Variants in PTPRN2 observed in about 807,000 individuals in gnomAD.
The protein encoded by PTPRN2 is receptor-type tyrosine-protein phosphatase N2.
PTPRN2 carries 74 observed loss-of-function variants against 118.8 expected under a neutral mutation model. That is an observed-to-expected ratio of 0.62 (90% CI 0.52 to 0.76). The LOEUF is 0.76. PTPRN2 is among the 30% of genes least tolerant of loss of function. PTPRN2 has a pLI of 0.00. For synonymous variants in PTPRN2, 641 were observed against 608.0 expected (o/e 1.05, Z -0.80); for missense variants, 1,481 against 1,394.4 (o/e 1.06, Z -0.99).
rs139090255 is a variant in PTPRN2, at chr7:158,557,418, T to C, written c.112+30140A>G. On this transcript the variant is annotated intron_variant, in intron 1 of 22. Transcript: ENST00000389418. ...TCCCGCGCAGGTCAGGCAGCTCCCG[T>C]GCAGGTTAGACATCTTTTCTGCCAT... Among the ~76,000 whole-genome samples, 94 of 152,254 alleles carry C rather than the reference T, an allele frequency of 6.2e-4. 2 individuals are homozygous for C. In the East Asian group the frequency reaches 0.018, roughly 28 times the overall value.
chr7:158,192,527 G>C (rs772725581), intron 4 of PTPRN2, 32 bp from the exon 5 acceptor site: 1 of 1,558,444 alleles, frequency 6.4e-7, no homozygotes, highest in Non-Finnish European at 8.6e-7. Context: ...GACATCAACC[G>C]CATGTTTGCT....
chr7:158,409,518 C>T (rs1813861892), intron 2 of PTPRN2, among the ~76,000 whole-genome samples: 1 of 152,208 alleles, frequency 6.6e-6, no homozygotes, highest in African/African-American at 2.4e-5. Flanking sequence ...CCAGGGCTGC[C>T]TTCTGAAGCT....
intron 3 of PTPRN2, among the ~76,000 whole-genome samples, chr7:158,268,639 GCACA>G (rs149631707): frequency 1.6e-5 from 2 of 121,936 alleles, no homozygotes; most frequent in African/African-American, 6.4e-5. Flanking sequence ...TATCCCAGCC[GCACA>G]CACACAGGGC....
intron 1 of PTPRN2, among the ~76,000 whole-genome samples, chr7:158,518,771 G>A (rs1823760931): frequency 6.6e-6 from 1 of 152,146 alleles, no homozygotes; most frequent in Admixed American, 6.6e-5. Context: ...AATTGCTTGA[G>A]CTCAGGAGTT....
chr7:158,356,591 AACCCCATGCAC>A (rs1282764042), intron 2 of PTPRN2, among the ~76,000 whole-genome samples: 2 of 152,144 alleles, frequency 1.3e-5, no homozygotes, highest in Admixed American at 6.5e-5. Context: ...GGCAGATAAG[AACCCCATGCAC>A]ACCTCTTAAA....
chr7:158,459,057 G>T (rs531289252), intron 2 of PTPRN2, among the ~76,000 whole-genome samples: 1 of 152,174 alleles, frequency 6.6e-6, no homozygotes, highest in South Asian at 2.1e-4. Context: ...GGGTGACACC[G>T]GAGCCTTGGT....
intron 12 of PTPRN2, among the ~76,000 whole-genome samples, chr7:157,777,337 C>T (rs921366270): frequency 4.7e-5 from 7 of 148,036 alleles, no homozygotes; most frequent in South Asian, 4.9e-4. Flanking sequence ...CCAGAGGACA[C>T]GCAGTGCCCC....
chr7:157,739,755 A>C (rs1209954482), intron 12 of PTPRN2, among the ~76,000 whole-genome samples: 1 of 152,244 alleles, frequency 6.6e-6, no homozygotes, highest in African/African-American at 2.4e-5. Context: ...TGGGGTCACC[A>C]TACTGTGTTT....
chr7:158,070,294 TG>T (rs1269254172), intron 11 of PTPRN2, among the ~76,000 whole-genome samples: 8 of 143,716 alleles, frequency 5.6e-5, no homozygotes, highest in African/African-American at 2.1e-4. Context: ...GTGCTCGTGG[TG>T]GTGGAGGTGC....
intron 2 of PTPRN2, among the ~76,000 whole-genome samples, chr7:158,326,775 ACACACT>A (rs1440010021): frequency 8.1e-6 from 1 of 123,402 alleles, no homozygotes; most frequent in Non-Finnish European, 1.8e-5. Context: ...ACACATGCTC[ACACACT>A]CACATGCACA....
intron 11 of PTPRN2, among the ~76,000 whole-genome samples, chr7:157,919,458 A>G (rs1798584233): frequency 6.6e-6 from 1 of 152,202 alleles, no homozygotes; most frequent in Admixed American, 6.5e-5. Context: ...ATGATAAGAG[A>G]GAAGGACAGT....
intron 11 of PTPRN2, among the ~76,000 whole-genome samples, chr7:157,969,777 A>G (rs911328026): frequency 2.0e-5 from 3 of 152,090 alleles, no homozygotes; most frequent in African/African-American, 7.2e-5. Flanking sequence ...GCTCCTGAAC[A>G]GGCCTGGAGC....
intron 14 of PTPRN2, among the ~76,000 whole-genome samples, chr7:157,651,482 C>G (rs1466019054): frequency 2.6e-5 from 4 of 152,144 alleles, no homozygotes; most frequent in Non-Finnish European, 5.9e-5. Flanking sequence ...CAACTTTTTT[C>G]TTAACATCCC....
At chr7:158,499,303 C>G (rs751520187) in intron 1 of PTPRN2, among the ~76,000 whole-genome samples, 3 of 152,176 alleles carry the variant, frequency 2.0e-5, no homozygotes, top group Admixed American at 1.3e-4. Flanking sequence ...CCAAAGCACT[C>G]CCTGGTGACT....
At position 157,560,849 on chromosome 7, in the gene PTPRN2, G is replaced by A. The variant is rs537913412; in HGVS notation, c.2902+8053C>T. Reference sequence around the variant, plus strand: ...TGGCCCTTCGTGTTTTCATGTTTCAGCCAAACATAAAAGCGAGACGTCTCC... The same window carrying A: ...TGGCCCTTCGTGTTTTCATGTTTCAACCAAACATAAAAGCGAGACGTCTCC... On this transcript the variant is annotated intron_variant, in intron 21 of 22. Coordinates refer to ENST00000389418, the MANE Select transcript of PTPRN2 (RefSeq NM_002847.5). The surrounding 1 kb of genome is among the most constrained non-coding windows in gnomAD (Gnocchi z 6.7). 2.0e-5 allele frequency among the ~76,000 whole-genome samples: 3 copies of A among 152,248 alleles called. No individual in the cohort carries two copies. The highest frequency in any genetic ancestry group is 7.2e-5 in the African/African-American group (3 of 41,552).
At chr7:157,714,070 C>T (rs546711370) in intron 12 of PTPRN2, among the ~76,000 whole-genome samples, 61 of 152,360 alleles carry the variant, frequency 4.0e-4, no homozygotes, top group Admixed American at 1.0e-3. Flanking sequence ...AAGGCATCGT[C>T]TTCTATATCT....
At position 158,032,333 on chromosome 7, in the gene PTPRN2, C is replaced by T. The variant is rs190157110; in HGVS notation, c.1723+48965G>A. On this transcript the variant is annotated intron_variant, in intron 11 of 22. Coordinates refer to ENST00000389418, the MANE Select transcript of PTPRN2 (RefSeq NM_002847.5). ...CTAGGCCACATTAGAGACAGCACAGCCCCTGGCCCTCTCCTGCCCCTCCTT... is the reference window on the plus strand; with the variant it reads ...CTAGGCCACATTAGAGACAGCACAGTCCCTGGCCCTCTCCTGCCCCTCCTT... Among the ~76,000 whole-genome samples, 37 of 152,266 alleles carry T rather than the reference C, an allele frequency of 2.4e-4. 1 individual carries two copies. The highest frequency in any genetic ancestry group is 3.9e-4 in the Admixed American group (6 of 15,304).
At chr7:157,943,875 T>G (rs1461272536) in intron 11 of PTPRN2, among the ~76,000 whole-genome samples, 1 of 152,216 alleles carries the variant, frequency 6.6e-6, no homozygotes, top group Non-Finnish European at 1.5e-5. Context: ...AAGGGTCAAG[T>G]TGATCACTAC....
rs1427527592 is a variant in PTPRN2 at position 157,779,253 on chromosome 7, G to A, written c.1789-96316C>T. On this transcript the variant is annotated intron_variant, in intron 12 of 22. Transcript: ENST00000389418. The surrounding 1 kb of genome is among the most constrained non-coding windows in gnomAD (Gnocchi z 4.7). ...ATGGGAGCCCCGCCCTGGCTGCCAGGCTTCCCTGGGCAAGGTCAGCAAGGC... is the reference window on the plus strand; with the variant it reads ...ATGGGAGCCCCGCCCTGGCTGCCAGACTTCCCTGGGCAAGGTCAGCAAGGC... Among the ~76,000 whole-genome samples, 2 of 152,212 alleles carry A rather than the reference G, an allele frequency of 1.3e-5. No individual in the cohort carries two copies. Among genetic ancestry groups the A allele is most frequent in the Non-Finnish European group, 2.9e-5 (2 of 68,032 alleles).
Sources: allele counts gnomAD v4.1 joint callset (sites outside exome capture counted in the v4.1 genomes callset), GRCh38; gene constraint gnomAD v4.1.1; non-coding constraint Gnocchi (gnomAD v3.1); transcripts MANE v1.5; gene names NCBI Gene and HGNC (gene_info 2026-07-23, HGNC 2026-07-21).